Variants in CDH12 observed in about 807,000 individuals in gnomAD.
The protein encoded by CDH12 is cadherin 12.
CDH12 carries 41 observed loss-of-function variants against 74.1 expected under a neutral mutation model. That is an observed-to-expected ratio of 0.55 (90% CI 0.43 to 0.72). CDH12 has a LOEUF of 0.72. Ranked by LOEUF, CDH12 falls within the 30% of genes least tolerant of loss-of-function variation. The pLI, the probability that CDH12 is intolerant of heterozygous loss-of-function variation, is 0.00. For missense variants in CDH12, 945 were observed against 977.2 expected (o/e 0.97, Z 0.44); for synonymous variants, 399 against 355.0 (o/e 1.12, Z -1.39).
At chr5:22,189,545 TTAACA>T (rs1290552522) in intron 4 of CDH12, among the ~76,000 whole-genome samples, 1 of 151,950 alleles carries the variant, frequency 6.6e-6, no homozygotes, top group African/African-American at 2.4e-5. Flanking sequence ...TTACTTATAC[TTAACA>T]TAAGTAGATA....
chr5:22,642,764 A>C, intron 1 of CDH12, among the ~76,000 whole-genome samples: 1 of 152,166 alleles, frequency 6.6e-6, no homozygotes, highest in East Asian at 1.9e-4. Context: ...CGATTTACTA[A>C]AGTTTTCAAA....
chr5:21,838,625 A>G (rs1749672579), intron 8 of CDH12, among the ~76,000 whole-genome samples: 1 of 152,102 alleles, frequency 6.6e-6, no homozygotes, highest in Non-Finnish European at 1.5e-5. Context: ...TTGCAAGTAC[A>G]TCTCAGAGAC....
At chr5:22,556,052 G>C (rs915194118) in intron 1 of CDH12, among the ~76,000 whole-genome samples, 1 of 143,966 alleles carries the variant, frequency 6.9e-6, no homozygotes, top group Non-Finnish European at 1.5e-5. Flanking sequence ...TTATCTCTGA[G>C]AATTTAAAAA....
chr5:22,602,789 A>C (rs1736911234), intron 1 of CDH12, among the ~76,000 whole-genome samples: 1 of 152,148 alleles, frequency 6.6e-6, no homozygotes, highest in Non-Finnish European at 1.5e-5. Flanking sequence ...TTGTGATGCC[A>C]GTTCCTTTGG....
chr5:22,235,390 G>A lies in CDH12; in HGVS notation c.-332-22747C>T, dbSNP rs149697430. ...GAGGTCAGGAATTCAAGACCATCCT[G>A]GCCAACATGGTGAAACCCTGTCTCT... On this transcript the variant is annotated intron_variant, in intron 3 of 14. Transcript: ENST00000382254. 1.5e-3 allele frequency among the ~76,000 whole-genome samples: 224 copies of A among 152,176 alleles called. 1 individual carries two copies. The highest frequency in any genetic ancestry group is 2.4e-3 in the Non-Finnish European group (166 of 68,018).
chr5:22,740,422 G>C (rs1560996519), intron 1 of CDH12, among the ~76,000 whole-genome samples: 1 of 149,770 alleles, frequency 6.7e-6, no homozygotes, highest in East Asian at 1.9e-4. Flanking sequence ...GATTCATTAG[G>C]TAAAAAAAAA....
intron 1 of CDH12, among the ~76,000 whole-genome samples, chr5:22,593,036 GAAAA>G (rs11420428): frequency 9.1e-6 from 1 of 110,488 alleles, no homozygotes; most frequent in Non-Finnish European, 1.9e-5. Flanking sequence ...TCTCAAAAAA[GAAAA>G]AAAAAAAAAA....
At chr5:21,868,016 T>G (rs1385247783) in intron 6 of CDH12, among the ~76,000 whole-genome samples, 3 of 152,262 alleles carry the variant, frequency 2.0e-5, no homozygotes, top group East Asian at 1.9e-4. Flanking sequence ...TCTCAAAAGA[T>G]CTGATGGTTT....
intron 3 of CDH12, among the ~76,000 whole-genome samples, chr5:22,302,312 T>A (rs2150420722): frequency 6.6e-6 from 1 of 152,240 alleles, no homozygotes; most frequent in Non-Finnish European, 1.5e-5. Context: ...AATATTCAAA[T>A]CAGAGACTGT....
At chr5:22,332,674 G>T (rs2120543) in intron 3 of CDH12, among the ~76,000 whole-genome samples, 73,408 of 151,838 alleles carry the variant, frequency 0.48, 18,162 homozygotes, top group South Asian at 0.6. Flanking sequence ...CAGGGACTTC[G>T]CAAAAGAAGA....
chr5:22,743,532 A>C (rs1745141527), intron 1 of CDH12, among the ~76,000 whole-genome samples: 1 of 152,030 alleles, frequency 6.6e-6, no homozygotes, highest in South Asian at 2.1e-4. Context: ...CCAGATTTTT[A>C]GCATTCTCAT....
At chr5:22,326,264 TCC>T (rs1739095448) in intron 3 of CDH12, among the ~76,000 whole-genome samples, 2 of 151,878 alleles carry the variant, frequency 1.3e-5, no homozygotes, top group Non-Finnish European at 2.9e-5. Flanking sequence ...AGACGGATTC[TCC>T]CTCTGTCGCC....
At chr5:22,108,985 T>A (rs1744665239) in intron 4 of CDH12, among the ~76,000 whole-genome samples, 1 of 152,078 alleles carries the variant, frequency 6.6e-6, no homozygotes, top group African/African-American at 2.4e-5. Flanking sequence ...AAAAGAAAAG[T>A]TTATAAATTT....
chr5:22,340,301 C>T (rs990829114), intron 3 of CDH12, among the ~76,000 whole-genome samples: 3 of 151,976 alleles, frequency 2.0e-5, no homozygotes, highest in Non-Finnish European at 4.4e-5. Flanking sequence ...CTGAGGTGGG[C>T]GGATCACAAG....
At chr5:22,184,922 G>T (rs540832991) in intron 4 of CDH12, among the ~76,000 whole-genome samples, 4 of 152,112 alleles carry the variant, frequency 2.6e-5, no homozygotes, top group Non-Finnish European at 4.4e-5. Context: ...CTGTCATGGG[G>T]GTTTGTTGTA....
Position 21,938,748 on chromosome 5 carries a change from A to ATATC in CDH12, c.526+36342_526+36343insGATA, listed in dbSNP as rs1490336535. On this transcript the variant is annotated intron_variant, in intron 6 of 14. Coordinates refer to ENST00000382254, the MANE Select transcript of CDH12 (RefSeq NM_004061.5). ...CATATATATATATATATATATATAT[A>ATATC]TCTTCTACATATCAGTGCTCTGTCA... is the stretch of plus-strand genomic sequence containing the variant. Among the ~76,000 whole-genome samples the ATATC allele has an allele frequency of 1.6e-4, 22 of 136,592 alleles. No individual in the cohort carries two copies. The South Asian group carries it at 1.6e-3, about 10-fold the overall frequency. 89.6% of individuals were successfully genotyped at this position (136,592 alleles called of 152,430 possible).
At chr5:22,055,925 T>C (rs1475065127) in intron 5 of CDH12, among the ~76,000 whole-genome samples, 1 of 152,132 alleles carries the variant, frequency 6.6e-6, no homozygotes, top group African/African-American at 2.4e-5. Flanking sequence ...TTTGCACATA[T>C]TGATAAAAAT....
At chr5:22,279,655 C>T (rs1454695934) in intron 3 of CDH12, among the ~76,000 whole-genome samples, 1 of 152,000 alleles carries the variant, frequency 6.6e-6, no homozygotes, top group African/African-American at 2.4e-5. Flanking sequence ...CAATAGTTTG[C>T]TGAGAATGAT....
rs571547920 is a variant in CDH12, at chr5:22,045,068, T to G, written c.231+33378A>C. 3.9e-5 allele frequency among the ~76,000 whole-genome samples: 6 copies of G among 152,248 alleles called. No homozygotes were observed. In the East Asian group the frequency reaches 1.2e-3, roughly 29 times the overall value. On this transcript the variant is annotated intron_variant, in intron 5 of 14. Coordinates refer to ENST00000382254, the MANE Select transcript of CDH12 (RefSeq NM_004061.5). ...TTAATATCAAGAATATACGAGAAAC[T>G]CAGACAATTCAACAGCAAAAATCAA...
Sources: gnomAD v4.1 joint callset for allele counts (sites outside exome capture counted in the v4.1 genomes callset) on GRCh38, gnomAD v4.1.1 for gene constraint, MANE v1.5 for transcripts, NCBI Gene and HGNC (gene_info 2026-07-23, HGNC 2026-07-21) for gene names.